The following DGKH variants were observed in gnomAD, a reference collection of about 807,000 sequenced individuals.
DGKH encodes DAG kinase eta.
DGKH carries 90 observed loss-of-function variants against 159.3 expected under a neutral mutation model. The observed-to-expected ratio is 0.57, with a 90% CI of 0.48 to 0.67. The LOEUF is 0.67. Among genes scored for constraint, DGKH ranks in the 30% least tolerant of loss-of-function variants. DGKH has a pLI of 0.00. For missense variants in DGKH, 1,181 were observed against 1,506.1 expected (o/e 0.78, Z 3.57); for synonymous variants, 536 against 553.8 (o/e 0.97, Z 0.45).
intron 1 of DGKH, chr13:42,069,221 T>C (rs9670508): frequency 1.4e-5 from 16 of 1,178,806 alleles, no homozygotes; most frequent in Non-Finnish European, 1.7e-5. Flanking sequence ...AAGTAACTAG[T>C]GTGTTTTCCT....
intron 21 of DGKH, among the ~76,000 whole-genome samples, chr13:42,207,123 CTCCTTCCTTCCTTCCT>C (rs377514975): frequency 0.039 from 2,042 of 52,040 alleles, 142 homozygotes; most frequent in Non-Finnish European, 0.064. Context: ...CTCTTTCTCT[CTCCTTCCTTCCTTCCT>C]TCCTTCCTTC....
At chr13:42,113,772 C>T (rs939805567) in intron 1 of DGKH, among the ~76,000 whole-genome samples, 2 of 151,826 alleles carry the variant, frequency 1.3e-5, no homozygotes, top group Middle Eastern at 3.4e-3. Context: ...GGCATGGCTA[C>T]GGGGAAAAAT....
chr13:42,094,870 T>A (rs574858900), intron 1 of DGKH, among the ~76,000 whole-genome samples: 1 of 152,174 alleles, frequency 6.6e-6, no homozygotes, highest in Non-Finnish European at 1.5e-5. Flanking sequence ...TTTTTAGCAA[T>A]TGTGTTTGAA....
chr13:42,244,903 C>CAAAAAAAAAA (rs57184890), downstream of DGKH, among the ~76,000 whole-genome samples: 3 of 42,966 alleles, frequency 7.0e-5, no homozygotes, highest in African/African-American at 2.0e-4. Context: ...GACTCCGTCT[C>CAAAAAAAAAA]AAAAAAAAAA....
rs745835716 is a variant in DGKH at position 42,063,952 on chromosome 13, T to A, written c.192+14987T>A. Among the ~76,000 whole-genome samples, 426 of 148,096 alleles carry A rather than the reference T, an allele frequency of 2.9e-3. 1 individual carries two copies. Among genetic ancestry groups the A allele is most frequent in the Admixed American group, 5.0e-3 (75 of 14,862 alleles). On this transcript the variant is annotated intron_variant, in intron 1 of 29. Coordinates refer to ENST00000337343, the MANE Select transcript of DGKH (RefSeq NM_178009.5). ...AAAACTCCGTCTGAAAAAAAAAATA[T>A]ATATATATATATACTGTGGGCTGAG...
intron 1 of DGKH, among the ~76,000 whole-genome samples, chr13:42,079,116 ATG>A (rs1954152731): frequency 6.6e-6 from 1 of 151,766 alleles, no homozygotes; most frequent in African/African-American, 2.4e-5. Context: ...GGGTTTTGCC[ATG>A]TTGCCCAGGC....
intron 1 of DGKH, 74 bp from the exon 2 acceptor site, chr13:42,127,389 C>A: frequency 9.9e-7 from 1 of 1,014,290 alleles, no homozygotes. Flanking sequence ...AATGAAAATG[C>A]ACCATTGGCT....
chr13:42,160,217 C>G, intron 7 of DGKH, 81 bp downstream of exon 7: 2 of 1,594,592 alleles, frequency 1.3e-6, no homozygotes, highest in Non-Finnish European at 1.7e-6. Context: ...AGAGGCAAAG[C>G]AAAGAATTTA....
At chr13:42,067,111 C>T (rs1023878907) in intron 1 of DGKH, among the ~76,000 whole-genome samples, 1 of 152,034 alleles carries the variant, frequency 6.6e-6, no homozygotes, top group Non-Finnish European at 1.5e-5. Context: ...CAGAGGTTTG[C>T]AGGAACCTAA....
chr13:42,144,909 G>A (rs1264039691), intron 3 of DGKH, among the ~76,000 whole-genome samples: 1 of 152,164 alleles, frequency 6.6e-6, no homozygotes, highest in Admixed American at 6.5e-5. Context: ...CATTCCTAGT[G>A]AATCCTTATT....
At chr13:42,208,437 T>G (rs1957559634) in intron 21 of DGKH, among the ~76,000 whole-genome samples, 1 of 152,186 alleles carries the variant, frequency 6.6e-6, no homozygotes, top group South Asian at 2.1e-4. Context: ...AAGTTTTGTA[T>G]TAAAATATAA....
At chr13:42,055,462 A>G (rs1045291118) in intron 1 of DGKH, among the ~76,000 whole-genome samples, 1 of 152,198 alleles carries the variant, frequency 6.6e-6, no homozygotes, top group African/African-American at 2.4e-5. Context: ...GATAAGAGAC[A>G]TAATAAATAA....
Position 42,091,301 on chromosome 13 carries a change from AAAAT to A in DGKH, c.193-36153_193-36150del, listed in dbSNP as rs1443900434. Among the ~76,000 whole-genome samples, 7 of 152,310 alleles carry A rather than the reference AAAAT, an allele frequency of 4.6e-5. No homozygotes were observed. In the South Asian group the frequency reaches 8.3e-4, roughly 18 times the overall value. ...CACCAAAACATAGATAATAAAAGAAAAAATAAATAAATTGAACCACATTAAAATT... is the reference window on the plus strand; with the variant it reads ...CACCAAAACATAGATAATAAAAGAAAAAATAAATTGAACCACATTAAAATT... On this transcript the variant is annotated intron_variant, in intron 1 of 29. Transcript: ENST00000337343.
At chr13:42,161,901 T>C (rs915239614) in intron 7 of DGKH, among the ~76,000 whole-genome samples, 1 of 152,164 alleles carries the variant, frequency 6.6e-6, no homozygotes, top group Admixed American at 6.5e-5. Context: ...TAAAAAAAAA[T>C]CAGTAGTTTT....
At chr13:42,135,489 C>CACA (rs1223953901) in intron 3 of DGKH, among the ~76,000 whole-genome samples, 9 of 50,988 alleles carry the variant, frequency 1.8e-4, no homozygotes, top group Non-Finnish European at 3.4e-4. Context: ...GACCCTGTCT[C>CACA]AGAAAAAAAA....
At chr13:42,102,656 A>C (rs556295518) in intron 1 of DGKH, among the ~76,000 whole-genome samples, 5 of 152,368 alleles carry the variant, frequency 3.3e-5, no homozygotes, top group Admixed American at 3.3e-4. Context: ...CTCTGCCTGG[A>C]ATAGCCCAGA....
chr13:42,055,879 G>A (rs9594669), intron 1 of DGKH, among the ~76,000 whole-genome samples: 27,490 of 152,208 alleles, frequency 0.18, 2,556 homozygotes, highest in Non-Finnish European at 0.21. Flanking sequence ...GCTGGGCACC[G>A]TGGCTCATGC....
intron 1 of DGKH, among the ~76,000 whole-genome samples, chr13:42,121,031 A>T (rs1955058394): frequency 6.6e-6 from 1 of 150,998 alleles, no homozygotes; most frequent in African/African-American, 2.4e-5. Context: ...TGGAACTTAG[A>T]CCACATTTTT....
At chr13:42,148,555 G>A (rs958890223) in intron 3 of DGKH, among the ~76,000 whole-genome samples, 1 of 151,434 alleles carries the variant, frequency 6.6e-6, no homozygotes, top group Non-Finnish European at 1.5e-5. Context: ...CTCCCACCAC[G>A]GCTTTCCACT....
Sources: gnomAD v4.1 joint callset for allele counts (sites outside exome capture counted in the v4.1 genomes callset) on GRCh38, gnomAD v4.1.1 for gene constraint, MANE v1.5 for transcripts, NCBI Gene and HGNC (gene_info 2026-07-23, HGNC 2026-07-21) for gene names.